The following MYT1L variants were observed in gnomAD, a reference collection of about 807,000 sequenced individuals.
MYT1L encodes myelin transcription factor 1-like protein.
MYT1L carries 12 observed loss-of-function variants against 126.7 expected under a neutral mutation model. The observed-to-expected ratio is 0.09, with a 90% CI of 0.06 to 0.15. MYT1L has a LOEUF of 0.15. Among genes scored for constraint, MYT1L ranks in the 10% least tolerant of loss-of-function variants. MYT1L has a pLI of 1.00. For synonymous variants in MYT1L, 541 were observed against 604.2 expected (o/e 0.90, Z 1.53); for missense variants, 979 against 1,585.2 (o/e 0.62, Z 6.49).
At chr2:1,937,393 C>T (rs1338077942) in intron 9 of MYT1L, among the ~76,000 whole-genome samples, 4 of 151,750 alleles carry the variant, frequency 2.6e-5, no homozygotes, top group Admixed American at 6.6e-5. Context: ...GCCATCAGAT[C>T]GCACAGCGAG....
chr2:2,197,266 T>A (rs1049692388), intron 2 of MYT1L, among the ~76,000 whole-genome samples: 6 of 152,186 alleles, frequency 3.9e-5, no homozygotes, highest in Admixed American at 2.0e-4. Context: ...ATTTATTCAA[T>A]GTTTAAGGAA....
chr2:1,988,294 C>T (rs1448238132), intron 5 of MYT1L, among the ~76,000 whole-genome samples: 5 of 152,222 alleles, frequency 3.3e-5, no homozygotes, highest in Non-Finnish European at 7.3e-5. Flanking sequence ...TGCGGAGCGC[C>T]GGGCACACAG....
chr2:2,109,217 C>T (rs1324055842), intron 3 of MYT1L, among the ~76,000 whole-genome samples: 1 of 152,142 alleles, frequency 6.6e-6, no homozygotes, highest in African/African-American at 2.4e-5. Flanking sequence ...TGGGTATGGT[C>T]CTGTTTGCAA....
intron 20 of MYT1L, among the ~76,000 whole-genome samples, chr2:1,839,806 G>A (rs1386645462): frequency 6.6e-6 from 1 of 152,244 alleles, no homozygotes; most frequent in Non-Finnish European, 1.5e-5. Context: ...CTTTTCTCAA[G>A]AGCTAGAAGA....
intron 2 of MYT1L, among the ~76,000 whole-genome samples, chr2:2,174,654 A>C (rs2090504036): frequency 6.6e-6 from 1 of 150,824 alleles, no homozygotes; most frequent in Admixed American, 6.6e-5. Context: ...TGACCTTTTT[A>C]ACTGGGTCCC....
chr2:2,204,448 GA>G (rs2093225330), intron 2 of MYT1L, among the ~76,000 whole-genome samples: 1 of 150,006 alleles, frequency 6.7e-6, no homozygotes, highest in Non-Finnish European at 1.5e-5. Flanking sequence ...AAAAGTGGGC[GA>G]AGGATATGAA....
chr2:1,906,496 A>AT (rs960198234), intron 13 of MYT1L, among the ~76,000 whole-genome samples: 49 of 152,142 alleles, frequency 3.2e-4, no homozygotes, highest in Non-Finnish European at 6.3e-4. Context: ...TGATAACTGA[A>AT]TTTTTTAAGA....
At chr2:1,870,437 C>T (rs1351548718) in intron 18 of MYT1L, among the ~76,000 whole-genome samples, 3 of 152,168 alleles carry the variant, frequency 2.0e-5, no homozygotes, top group Admixed American at 6.5e-5. Flanking sequence ...CTCAAACACA[C>T]AGCAGGACAG....
chr2:2,229,045 A>C (rs73179711), intron 2 of MYT1L, among the ~76,000 whole-genome samples: 2,730 of 152,258 alleles, frequency 0.018, 78 homozygotes, highest in African/African-American at 0.061. Context: ...GGTATTTTCT[A>C]TGCCTTTACA....
chr2:2,185,043 G>T (rs1306896819), intron 2 of MYT1L, among the ~76,000 whole-genome samples: 1 of 152,112 alleles, frequency 6.6e-6, no homozygotes, highest in East Asian at 1.9e-4. Flanking sequence ...GATCCACTGA[G>T]ACAGCACAGC....
At chr2:2,233,437 C>T (rs1199891097) in intron 2 of MYT1L, among the ~76,000 whole-genome samples, 2 of 152,192 alleles carry the variant, frequency 1.3e-5, no homozygotes, top group East Asian at 3.9e-4. Flanking sequence ...GTACCCAGTG[C>T]CCCTGCGGAC....
chr2:2,229,194 C>G (rs550975466), intron 2 of MYT1L, among the ~76,000 whole-genome samples: 1 of 152,292 alleles, frequency 6.6e-6, no homozygotes, highest in Admixed American at 6.5e-5. Context: ...TTATTCCATA[C>G]ATTTGAAATG....
At chr2:2,122,443 T>C (rs1264408876) in intron 3 of MYT1L, among the ~76,000 whole-genome samples, 1 of 152,118 alleles carries the variant, frequency 6.6e-6, no homozygotes, top group Non-Finnish European at 1.5e-5. Context: ...TGTCTGCCTG[T>C]GTCTGGCATT....
At chr2:2,085,855 C>T (rs1315177903) in intron 3 of MYT1L, among the ~76,000 whole-genome samples, 2 of 152,184 alleles carry the variant, frequency 1.3e-5, no homozygotes, top group Non-Finnish European at 2.9e-5. Flanking sequence ...CCCCTCTGTC[C>T]CCACTCGGTT....
chr2:2,199,138 G>A (rs576486946), intron 2 of MYT1L, among the ~76,000 whole-genome samples: 7 of 152,174 alleles, frequency 4.6e-5, no homozygotes, highest in Non-Finnish European at 1.0e-4. Flanking sequence ...TCAGAAGTGG[G>A]AGAAGAACAT....
In MYT1L at chr2:2,134,028, C is replaced by T. The variant is rs942065062; in HGVS notation, c.-304+38844G>A. ...TTTTCACCTCTTCTAGTCCCTTGTT[C>T]CAAACAGCTGAAAGTCTCCTGATGG... On this transcript the variant is annotated intron_variant, in intron 3 of 24. Coordinates refer to ENST00000647738, the MANE Select transcript of MYT1L (RefSeq NM_001303052.2). 1.2e-4 allele frequency among the ~76,000 whole-genome samples: 19 copies of T among 152,186 alleles called. 1 individual carries two copies. The highest frequency in any genetic ancestry group is 4.3e-4 in the African/African-American group (18 of 41,442).
At chr2:1,843,985 A>T (rs1257243234) in intron 19 of MYT1L, among the ~76,000 whole-genome samples, 1 of 152,168 alleles carries the variant, frequency 6.6e-6, no homozygotes, top group Non-Finnish European at 1.5e-5. Flanking sequence ...GGGGCTCAGG[A>T]GCTCTCATCT....
chr2:1,922,720 T>A lies in MYT1L; in HGVS notation c.1049A>T (p.Asn350Ile). 1.2e-6 allele frequency: 2 copies of A among 1,613,936 alleles called. No individual in the cohort carries two copies. The highest frequency in any genetic ancestry group is 1.1e-5 in the South Asian group (1 of 91,080). ...ACGGATGTTCATGTTCTGCTGCGGA[T>A]TCCTCTCCTGCGGGTTGGTCTCACT... Reference protein sequence around the residue: ...KLSETNPQERNPQQNMNIRQH... With the variant: ...KLSETNPQERIPQQNMNIRQH... The change falls in exon 10 of 25, where the codon AAT becomes ATT. Residue 350 changes from asparagine (N) to isoleucine (I), a missense_variant. Coordinates refer to ENST00000647738, the MANE Select transcript of MYT1L (RefSeq NM_001303052.2). The surrounding 1 kb of genome is among the most constrained non-coding windows in gnomAD (Gnocchi z 7.4).
intron 18 of MYT1L, among the ~76,000 whole-genome samples, chr2:1,860,119 G>C (rs2148607900): frequency 6.6e-6 from 1 of 152,336 alleles, no homozygotes. Context: ...GGCGCCCCAA[G>C]TACATCCAGC....
Sources: allele counts gnomAD v4.1 joint callset (sites outside exome capture counted in the v4.1 genomes callset), GRCh38; gene constraint gnomAD v4.1.1; non-coding constraint Gnocchi (gnomAD v3.1); transcripts MANE v1.5; gene names NCBI Gene and HGNC (gene_info 2026-07-23, HGNC 2026-07-21).